ASTN1: variants seen among roughly 807,000 people sequenced by gnomAD.
ASTN1 encodes astrotactin-1.
In ASTN1, 41 loss-of-function variants were observed where a neutral mutation model predicts 140.7. That is an observed-to-expected ratio of 0.29 (90% CI 0.23 to 0.38). The LOEUF (loss-of-function observed/expected upper bound fraction) is 0.38. Among genes scored for constraint, ASTN1 ranks in the 10% least tolerant of loss-of-function variants. The pLI is 1.00. For synonymous variants in ASTN1, 640 were observed against 652.2 expected, an observed-to-expected ratio of 0.98 and a Z score of 0.29; for missense variants, 1,479 against 1,678.8, an observed-to-expected ratio of 0.88 and a Z score of 2.08.
intron 1 of ASTN1, among the ~76,000 whole-genome samples, chr1:177,118,892 G>A (rs1317653035): frequency 6.6e-6 from 1 of 152,172 alleles, no homozygotes; most frequent in East Asian, 1.9e-4. Context: ...GACTTACTGG[G>A]TGGGAGGCCT....
At chr1:177,055,429 C>T (rs1405811288) in intron 2 of ASTN1, among the ~76,000 whole-genome samples, 1 of 152,202 alleles carries the variant, frequency 6.6e-6, no homozygotes, top group Non-Finnish European at 1.5e-5. Flanking sequence ...CCTGGCATCT[C>T]CAGGCTTTTG....
intron 1 of ASTN1, among the ~76,000 whole-genome samples, chr1:177,128,154 T>G (rs1422142449): frequency 6.6e-6 from 1 of 152,178 alleles, no homozygotes; most frequent in African/African-American, 2.4e-5. Flanking sequence ...GAAAACAAGA[T>G]AATTTTGAAA....
At chr1:177,023,361 T>G in intron 7 of ASTN1, 43 bp downstream of exon 7, 1 of 1,533,940 alleles carries the variant, frequency 6.5e-7, no homozygotes, top group Non-Finnish European at 8.8e-7. Flanking sequence ...GCAAGAGGCA[T>G]GATCTCTCTG....
At chr1:177,146,802 A>C (rs1228557757) in intron 1 of ASTN1, among the ~76,000 whole-genome samples, 1 of 152,200 alleles carries the variant, frequency 6.6e-6, no homozygotes, top group Non-Finnish European at 1.5e-5. Context: ...AAGTCTGAAT[A>C]ATTATAGTTA....
At chr1:176,956,615 C>A (rs1672416551) in intron 11 of ASTN1, among the ~76,000 whole-genome samples, 1 of 152,220 alleles carries the variant, frequency 6.6e-6, no homozygotes, top group East Asian at 1.9e-4. Flanking sequence ...TGAATCATCT[C>A]TTCCTCTCCT....
At chr1:177,147,646 G>C (rs1201101714) in intron 1 of ASTN1, among the ~76,000 whole-genome samples, 1 of 152,204 alleles carries the variant, frequency 6.6e-6, no homozygotes, top group Non-Finnish European at 1.5e-5. Context: ...GTATGAAGTG[G>C]AGGAGAGTTG....
chr1:176,895,911 A>G (rs1477545492), intron 16 of ASTN1, among the ~76,000 whole-genome samples: 1 of 152,210 alleles, frequency 6.6e-6, no homozygotes, highest in Non-Finnish European at 1.5e-5. Flanking sequence ...AGAGACCACT[A>G]AGCTTTTGGA....
chr1:176,862,177 A>T lies in ASTN1; in HGVS notation c.*2107T>A. 1 of 985,470 alleles carries T rather than the reference A, an allele frequency of 1.0e-6. No individual in the cohort carries two copies. The highest frequency in any genetic ancestry group is 1.2e-6 in the Non-Finnish European group (1 of 829,958). The allele number at this position is 985,470 out of a possible 1,614,324, so 61.0% of individuals were successfully genotyped here. On this transcript the variant is annotated 3_prime_UTR_variant, in exon 23 of 23. Transcript: ENST00000361833. ...TAACTGAGGCTCCAGCATTTGCCAC[A>T]GGTGGGACAGCCAATTTTTCTGCTG...
intron 13 of ASTN1, among the ~76,000 whole-genome samples, chr1:176,945,364 T>G (rs1406727604): frequency 6.6e-6 from 1 of 152,238 alleles, no homozygotes; most frequent in African/African-American, 2.4e-5. Flanking sequence ...AATATTAACA[T>G]ATTTTATAAA....
At chr1:176,997,860 G>A (rs1674527490) in intron 8 of ASTN1, among the ~76,000 whole-genome samples, 1 of 152,090 alleles carries the variant, frequency 6.6e-6, no homozygotes, top group African/African-American at 2.4e-5. Flanking sequence ...GCAGGTATTT[G>A]GGCTGGGTCT....
At chr1:176,920,086 T>C (rs1443470745) in intron 16 of ASTN1, among the ~76,000 whole-genome samples, 1 of 152,258 alleles carries the variant, frequency 6.6e-6, no homozygotes, top group Non-Finnish European at 1.5e-5. Flanking sequence ...GCTTAGTTTT[T>C]GCAATTGCTC....
At chr1:176,891,804 C>G (rs1264423317) in intron 17 of ASTN1, among the ~76,000 whole-genome samples, 2 of 151,792 alleles carry the variant, frequency 1.3e-5, no homozygotes. Flanking sequence ...AAAAAAGAAA[C>G]CCAGAAAAAC....
chr1:177,093,633 A>G (rs977342997), intron 1 of ASTN1, among the ~76,000 whole-genome samples: 1 of 152,146 alleles, frequency 6.6e-6, no homozygotes, highest in Non-Finnish European at 1.5e-5. Context: ...AAATCAGGAA[A>G]AAAGATCCTG....
chr1:177,063,890 C>T lies in ASTN1; in HGVS notation c.284-2625G>A, dbSNP rs1678221465. 5.9e-5 allele frequency among the ~76,000 whole-genome samples: 9 copies of T among 152,164 alleles called. No homozygotes were observed. The South Asian group carries it at 1.7e-3, about 28-fold the overall frequency. ...GCACCTCCAGCCTCCTGCCTGCACC[C>T]ATTCCACCCGAGGGCAGGATTTATC... On this transcript the variant is annotated intron_variant, in intron 1 of 22. Transcript: ENST00000361833.
Position 177,164,527 on chromosome 1 carries a change from C to A in ASTN1, c.150G>T (p.Glu50Asp), listed in dbSNP as rs1447260649. 6.2e-7 allele frequency: 1 copy of A among 1,613,926 alleles called. No homozygotes were observed. Among genetic ancestry groups the A allele is most frequent in the Admixed American group, 1.7e-5 (1 of 60,010 alleles). ...ITVSALPFLR[E>D]NDLSIMHSPS... Reference sequence around the variant, plus strand: ...GGCTGTGCATGATGCTCAGGTCGTTCTCGCGCAGGAAGGGCAGTGCCGACA... The same window carrying A: ...GGCTGTGCATGATGCTCAGGTCGTTATCGCGCAGGAAGGGCAGTGCCGACA... The change falls in exon 1 of 23, where the codon GAG becomes GAT. Residue 50 changes from glutamate to aspartate, a missense_variant. Coordinates refer to ENST00000361833, the MANE Select transcript of ASTN1 (RefSeq NM_004319.3).
chr1:177,061,123 A>C lies in ASTN1; in HGVS notation c.426T>G (p.His142Gln), dbSNP rs1374575748. The change falls in exon 2 of 23, where the codon CAT becomes CAG. Residue 142 changes from histidine (H) to glutamine (Q), a missense_variant. Around this residue, in one of 3 missense-constraint regions of ASTN1, gnomAD observed 729 missense variants for 860.4 expected, o/e 0.85. Transcript: ENST00000361833. Reference protein sequence around the residue: ...PGQDPTEEPQHESAEEELRIL... With the variant: ...PGQDPTEEPQQESAEEELRIL... ...TCCTCAGCTCCTCTTCTGCCGACTC[A>C]TGTTGGGGTTCTTCAGTGGGGTCTT... is the stretch of plus-strand genomic sequence containing the variant. 1.2e-6 allele frequency: 2 copies of C among 1,611,442 alleles called. No individual in the cohort carries two copies. Among genetic ancestry groups the C allele is most frequent in the Non-Finnish European group, 1.7e-6 (2 of 1,178,890 alleles).
At chr1:176,959,767 A>T (rs1029552277) in intron 9 of ASTN1, among the ~76,000 whole-genome samples, 1 of 152,108 alleles carries the variant, frequency 6.6e-6, no homozygotes, top group African/African-American at 2.4e-5. Context: ...TCCCATTTCC[A>T]CCCTGACTCT....
rs562015294 is a variant in ASTN1, at chr1:176,969,341, G to A, written c.1524-4104C>T. On this transcript the variant is annotated intron_variant, in intron 8 of 22. Transcript: ENST00000361833. ...CACATGGTGGAGATGGCCCCTAGCC[G>A]TATGGGCCACAGAGGAAACACTTTG... 7.9e-5 allele frequency among the ~76,000 whole-genome samples: 12 copies of A among 152,126 alleles called. No homozygotes were observed. In the East Asian group the frequency reaches 9.7e-4, roughly 12 times the overall value.
intron 1 of ASTN1, among the ~76,000 whole-genome samples, chr1:177,109,484 G>A (rs1447745557): frequency 6.6e-6 from 1 of 152,028 alleles, no homozygotes; most frequent in Non-Finnish European, 1.5e-5. Flanking sequence ...AATATCTCAA[G>A]AGACAGACAT....
Sources: allele counts gnomAD v4.1 joint callset (sites outside exome capture counted in the v4.1 genomes callset), GRCh38; gene constraint gnomAD v4.1.1; regional missense constraint gnomAD v4.1.1; transcripts MANE v1.5; gene names NCBI Gene and HGNC (gene_info 2026-07-23, HGNC 2026-07-21).